Variants in RNF170 observed in about 807,000 individuals in gnomAD.
The protein encoded by RNF170 is ring finger protein 170.
RNF170 carries 12 observed loss-of-function variants against 32.7 expected under a neutral mutation model. The ratio of observed to expected loss-of-function variants is 0.37; its 90% CI spans 0.24 to 0.60. RNF170 has a LOEUF of 0.60. RNF170 is among the 20% of genes least tolerant of loss of function. RNF170 has a pLI of 0.72. For missense variants in RNF170, 212 were observed against 311.2 expected, an observed-to-expected ratio of 0.68 and a Z score of 2.40; for synonymous variants, 91 against 103.6, an observed-to-expected ratio of 0.88 and a Z score of 0.74.
intron 6 of RNF170, among the ~76,000 whole-genome samples, chr8:42,860,806 C>G (rs1803598176): frequency 6.6e-6 from 1 of 152,092 alleles, no homozygotes; most frequent in Admixed American, 6.6e-5. Flanking sequence ...CAACCTCTGT[C>G]TGCCGGGTAC....
intron 2 of RNF170, among the ~76,000 whole-genome samples, chr8:42,876,657 GTTT>G (rs541650996): frequency 1.6e-5 from 2 of 123,012 alleles, no homozygotes; most frequent in Admixed American, 8.8e-5. Context: ...TTTTTTGTGG[GTTT>G]TTTTTTTTTT....
chr8:42,886,201 G>A (rs764565299), intron 2 of RNF170, among the ~76,000 whole-genome samples: 1 of 151,732 alleles, frequency 6.6e-6, no homozygotes, highest in Non-Finnish European at 1.5e-5. Flanking sequence ...TCCAGCCTGG[G>A]CAACAGAGTG....
chr8:42,861,893 G>T, intron 5 of RNF170, 38 bp from the exon 6 acceptor site: 1 of 1,549,016 alleles, frequency 6.5e-7, no homozygotes, highest in African/African-American at 1.4e-5. Context: ...TCAACTTTCT[G>T]CATCATTATG....
chr8:42,888,086 T>G (rs890590646), intron 1 of RNF170, among the ~76,000 whole-genome samples: 1 of 152,110 alleles, frequency 6.6e-6, no homozygotes, highest in South Asian at 2.1e-4. Context: ...TTTTTTTGGA[T>G]GGAGTCTCTT....
At chr8:42,886,315 A>T (rs1805823790) in intron 2 of RNF170, among the ~76,000 whole-genome samples, 1 of 152,166 alleles carries the variant, frequency 6.6e-6, no homozygotes, top group South Asian at 2.1e-4. Context: ...ATATTAAAAC[A>T]TTAGTCAGGA....
intron 1 of RNF170, among the ~76,000 whole-genome samples, chr8:42,893,862 C>T (rs2130228416): frequency 6.6e-6 from 1 of 152,332 alleles, no homozygotes; most frequent in South Asian, 2.1e-4. Flanking sequence ...TCACACAGGA[C>T]ATGCCCTCTT....
chr8:42,894,225 G>C (rs1456940100), intron 1 of RNF170, among the ~76,000 whole-genome samples: 1 of 152,194 alleles, frequency 6.6e-6, no homozygotes, highest in Non-Finnish European at 1.5e-5. Flanking sequence ...AAGCACTGTG[G>C]ATATGCAGCC....
At chr8:42,860,484 G>T (rs931742849) in intron 6 of RNF170, among the ~76,000 whole-genome samples, 8 of 151,996 alleles carry the variant, frequency 5.3e-5, no homozygotes, top group African/African-American at 1.9e-4. Context: ...GTGCAGTGGC[G>T]TGATCTCAGC....
intron 2 of RNF170, among the ~76,000 whole-genome samples, chr8:42,879,877 G>A (rs568505167): frequency 6.6e-6 from 1 of 152,022 alleles, no homozygotes; most frequent in African/African-American, 2.4e-5. Context: ...GTTTCGCCAC[G>A]TTGGCCAGGC....
rs1803061343 is a variant in RNF170 at position 42,854,103 on chromosome 8, A to C, written c.*2056T>G. 3.1e-6 allele frequency: 4 copies of C among 1,287,090 alleles called. No homozygotes were observed. The highest frequency in any genetic ancestry group is 4.0e-6 in the Non-Finnish European group (4 of 988,706). 79.7% of individuals were successfully genotyped at this position (1,287,090 alleles called of 1,614,324 possible). On this transcript the variant is annotated 3_prime_UTR_variant, in exon 7 of 7. Coordinates refer to ENST00000527424, the MANE Select transcript of RNF170 (RefSeq NM_030954.4). ...TTTTCAAGTTGGTGACTGCAGCTGAAATGTTTTTCTGTGATGTATGCCACC... is the reference window on the plus strand; with the variant it reads ...TTTTCAAGTTGGTGACTGCAGCTGACATGTTTTTCTGTGATGTATGCCACC...
intron 4 of RNF170, among the ~76,000 whole-genome samples, chr8:42,866,686 A>G (rs1185592042): frequency 6.6e-6 from 1 of 152,130 alleles, no homozygotes; most frequent in Non-Finnish European, 1.5e-5. Flanking sequence ...AATTGAATCA[A>G]CTCTTGCACT....
At chr8:42,870,553 C>T (rs985208174) in intron 3 of RNF170, among the ~76,000 whole-genome samples, 1 of 151,838 alleles carries the variant, frequency 6.6e-6, no homozygotes, top group African/African-American at 2.4e-5. Flanking sequence ...ATGGCAAAAC[C>T]CCATCTCTAC....
At chr8:42,864,798 A>AC (rs1222537442) in intron 5 of RNF170, among the ~76,000 whole-genome samples, 3 of 3,354 alleles carry the variant, frequency 8.9e-4, no homozygotes, top group African/African-American at 3.8e-3. Context: ...AGAAGGAAAA[A>AC]AATTTTTTTT....
At position 42,853,709 on chromosome 8, in the gene RNF170, G is replaced by C; in HGVS notation, c.*2450C>G. The C allele has an allele frequency of 7.8e-7, 1 of 1,287,114 alleles. No individual in the cohort carries two copies. The highest frequency in any genetic ancestry group is 1.2e-5 in the South Asian group (1 of 80,928). 79.7% of individuals were successfully genotyped at this position (1,287,114 alleles called of 1,614,324 possible). Reference sequence around the variant, plus strand: ...TTCAAAACTCTGATTGACTCTACTTGCTTTAAAAACTCTCAGATCCCTTCT... The same window carrying C: ...TTCAAAACTCTGATTGACTCTACTTCCTTTAAAAACTCTCAGATCCCTTCT... On this transcript the variant is annotated 3_prime_UTR_variant, in exon 7 of 7. Coordinates refer to ENST00000527424, the MANE Select transcript of RNF170 (RefSeq NM_030954.4).
rs2128934419 is a variant in RNF170, at chr8:42,870,135, C to T, written c.214-23G>A. On this transcript the variant is annotated intron_variant, in intron 3 of 6. Coordinates refer to ENST00000527424, the MANE Select transcript of RNF170 (RefSeq NM_030954.4). ...ATCCTAATAAGAACACAGGTGCACACATTGGAACACAACACATGTGGCCCT... is the reference window on the plus strand; with the variant it reads ...ATCCTAATAAGAACACAGGTGCACATATTGGAACACAACACATGTGGCCCT... 2.0e-6 allele frequency: 3 copies of T among 1,514,538 alleles called. No homozygotes were observed. In the South Asian group the frequency reaches 3.4e-5, roughly 17 times the overall value. 93.8% of individuals were successfully genotyped at this position (1,514,538 alleles called of 1,614,324 possible).
intron 2 of RNF170, among the ~76,000 whole-genome samples, chr8:42,875,841 T>G (rs1405081311): frequency 6.6e-6 from 1 of 152,166 alleles, no homozygotes; most frequent in Non-Finnish European, 1.5e-5. Flanking sequence ...TCCCAAAGTG[T>G]GGAGATTACT....
At chr8:42,891,511 T>C (rs1806297318) in intron 1 of RNF170, among the ~76,000 whole-genome samples, 3 of 152,168 alleles carry the variant, frequency 2.0e-5, no homozygotes. Context: ...CTTTCTTCCC[T>C]AAAAAACGCA....
rs1563651625 is a variant in RNF170, at chr8:42,854,084, A to AG, written c.*2074dup. ...CAAACTCCTACTCACTCGCTTTTCA[A>AG]GTTGGTGACTGCAGCTGAAATGTTT... On this transcript the variant is annotated 3_prime_UTR_variant, in exon 7 of 7. Coordinates refer to ENST00000527424, the MANE Select transcript of RNF170 (RefSeq NM_030954.4). 7.8e-7 allele frequency: 1 copy of AG among 1,287,214 alleles called. No individual in the cohort carries two copies. Among genetic ancestry groups the AG allele is most frequent in the Non-Finnish European group, 1.0e-6 (1 of 988,688 alleles). The allele number at this position is 1,287,214 out of a possible 1,614,324, so 79.7% of individuals were successfully genotyped here. A position where few individuals can be genotyped will look rare whatever the true frequency, so the allele number is the denominator to read the frequency against.
chr8:42,855,444 C>G lies in RNF170; in HGVS notation c.*715G>C, dbSNP rs1238221939. On this transcript the variant is annotated 3_prime_UTR_variant, in exon 7 of 7. Transcript: ENST00000527424. The stretch of plus-strand genomic sequence containing the variant: ...GCCAGGATGGTCCTGATCTCCTGAC[C>G]TTGTGATCTACCCGCCTCAGCCTCC... 1.6e-5 allele frequency: 13 copies of G among 827,600 alleles called. No individual in the cohort carries two copies. The highest frequency in any genetic ancestry group is 2.1e-5 in the Non-Finnish European group (12 of 572,082). The allele number at this position is 827,600 out of a possible 1,614,324, so 51.3% of individuals were successfully genotyped here. A position where few individuals can be genotyped will look rare whatever the true frequency, so the allele number is the denominator to read the frequency against.
Sources: allele counts gnomAD v4.1 joint callset (sites outside exome capture counted in the v4.1 genomes callset), GRCh38; gene constraint gnomAD v4.1.1; transcripts MANE v1.5; gene names NCBI Gene and HGNC (gene_info 2026-07-23, HGNC 2026-07-21).